Variants in ITSN1 observed in about 807,000 individuals in gnomAD.
The protein encoded by ITSN1 is intersectin 1, also known as intersectin-1.
In ITSN1, 58 loss-of-function variants were observed where a neutral mutation model predicts 239.8. The ratio of observed to expected loss-of-function variants is 0.24; its 90% CI spans 0.20 to 0.30. The LOEUF (loss-of-function observed/expected upper bound fraction) is 0.30, where lower values mean the gene tolerates loss of function less well. Ranked by LOEUF, ITSN1 falls within the 10% of genes least tolerant of loss-of-function variation. The pLI is 1.00. For synonymous variants in ITSN1, 780 were observed against 770.8 expected, an observed-to-expected ratio of 1.01 and a Z score of -0.20; for missense variants, 1,558 against 2,103.3, an observed-to-expected ratio of 0.74 and a Z score of 5.07.
intron 20 of ITSN1, 80 bp from the exon 21 acceptor site, chr21:33,810,895 T>G: frequency 1.3e-5 from 20 of 1,514,030 alleles, no homozygotes; most frequent in Non-Finnish European, 1.8e-5. Flanking sequence ...GGGCAGAGGC[T>G]TGGGACTTCA....
intron 20 of ITSN1, among the ~76,000 whole-genome samples, chr21:33,805,283 T>G (rs1296205195): frequency 6.6e-6 from 1 of 152,264 alleles, no homozygotes; most frequent in Non-Finnish European, 1.5e-5. Flanking sequence ...CAGTTCATTC[T>G]GGAAATTGTT....
Position 33,897,411 on chromosome 21 carries a change from A to C in ITSN1, c.*9111A>C, listed in dbSNP as rs898805557. 1.3e-5 allele frequency: 2 copies of C among 152,238 alleles called. No individual in the cohort carries two copies. 9.4% of individuals were successfully genotyped at this position (152,238 alleles called of 1,614,324 possible). A position where few individuals can be genotyped will look rare whatever the true frequency, so the allele number is the denominator to read the frequency against. ...CGTATAGGTGGTGAACTTATGTGTA[A>C]ATACATGTGTACAGATGAGAAACTG... is the stretch of plus-strand genomic sequence containing the variant. On this transcript the variant is annotated 3_prime_UTR_variant, in exon 40 of 40. Coordinates refer to ENST00000381318, the MANE Select transcript of ITSN1 (RefSeq NM_003024.3).
At chr21:33,852,256 A>G (rs1248692657) in intron 29 of ITSN1, among the ~76,000 whole-genome samples, 1 of 152,118 alleles carries the variant, frequency 6.6e-6, no homozygotes, top group Non-Finnish European at 1.5e-5. Flanking sequence ...CCCCTTTCAT[A>G]CAGGAACAAG....
At chr21:33,721,754 A>T (rs908005494) in intron 3 of ITSN1, among the ~76,000 whole-genome samples, 2 of 150,480 alleles carry the variant, frequency 1.3e-5, no homozygotes, top group Admixed American at 6.6e-5. Flanking sequence ...AGATCACGCC[A>T]CTGCACTCCA....
intron 29 of ITSN1, among the ~76,000 whole-genome samples, chr21:33,848,094 C>T (rs951077011): frequency 2.0e-5 from 3 of 152,252 alleles, no homozygotes; most frequent in Admixed American, 6.5e-5. Flanking sequence ...TTCCCAGCTC[C>T]GCAGCCAGCG....
intron 5 of ITSN1, among the ~76,000 whole-genome samples, chr21:33,743,996 TCAGA>T (rs2067026193): frequency 6.6e-6 from 1 of 152,210 alleles, no homozygotes; most frequent in South Asian, 2.1e-4. Flanking sequence ...AGAATGTGCT[TCAGA>T]CAATCAAAAT....
At chr21:33,697,143 C>T (rs1181702632) in intron 1 of ITSN1, among the ~76,000 whole-genome samples, 3 of 149,318 alleles carry the variant, frequency 2.0e-5, no homozygotes, top group South Asian at 4.2e-4. Context: ...AGTGCAGAGG[C>T]GTGATCTCGG....
chr21:33,717,613 G>A (rs370408803), intron 1 of ITSN1, among the ~76,000 whole-genome samples: 1 of 151,826 alleles, frequency 6.6e-6, no homozygotes, highest in South Asian at 2.1e-4. Context: ...TGGAGTGCAG[G>A]GGTGCAATCT....
At chr21:33,783,305 A>AGTTG (rs2070359296) in intron 16 of ITSN1, among the ~76,000 whole-genome samples, 1 of 152,244 alleles carries the variant, frequency 6.6e-6, no homozygotes, top group Admixed American at 6.5e-5. Context: ...CTTTTATAAT[A>AGTTG]GTTGACCTTT....
At chr21:33,694,434 T>C (rs1174059693) in intron 1 of ITSN1, among the ~76,000 whole-genome samples, 1 of 152,222 alleles carries the variant, frequency 6.6e-6, no homozygotes, top group African/African-American at 2.4e-5. Flanking sequence ...TTTGGACATA[T>C]ATCTTTGTAT....
At chr21:33,864,577 C>G (rs558250746) in intron 31 of ITSN1, among the ~76,000 whole-genome samples, 1 of 152,110 alleles carries the variant, frequency 6.6e-6, no homozygotes, top group Admixed American at 6.5e-5. Flanking sequence ...ACCTCTTTTC[C>G]GAACTCCTCT....
chr21:33,834,637 G>A (rs1258782366), intron 28 of ITSN1, among the ~76,000 whole-genome samples: 1 of 152,240 alleles, frequency 6.6e-6, no homozygotes, highest in Non-Finnish European at 1.5e-5. Context: ...GGATACAACA[G>A]AACCCTTGTT....
At chr21:33,732,024 C>T (rs899674048) in intron 4 of ITSN1, among the ~76,000 whole-genome samples, 2 of 152,084 alleles carry the variant, frequency 1.3e-5, no homozygotes, top group Non-Finnish European at 2.9e-5. Flanking sequence ...AACAATGGGA[C>T]AACTGGAAGC....
chr21:33,824,360 C>T lies in ITSN1; in HGVS notation c.3183+707C>T, dbSNP rs375261716. On this transcript the variant is annotated intron_variant, in intron 25 of 39. Coordinates refer to ENST00000381318, the MANE Select transcript of ITSN1 (RefSeq NM_003024.3). The stretch of plus-strand genomic sequence containing the variant: ...GTCAGTCTTGTAGGAGCCACTTGCA[C>T]GTTAGTGGAGAGTTTCAGGGTATAA... 8.5e-5 allele frequency among the ~76,000 whole-genome samples: 13 copies of T among 152,136 alleles called. No homozygotes were observed. The East Asian group carries it at 1.5e-3, about 18-fold the overall frequency.
chr21:33,756,419 G>A (rs550954726), intron 8 of ITSN1, among the ~76,000 whole-genome samples: 47 of 151,948 alleles, frequency 3.1e-4, no homozygotes, highest in Non-Finnish European at 5.3e-4. Context: ...TGAAAGGAAG[G>A]GAAAAAAATT....
At chr21:33,809,795 A>G (rs1339283784) in intron 20 of ITSN1, among the ~76,000 whole-genome samples, 1 of 151,926 alleles carries the variant, frequency 6.6e-6, no homozygotes, top group African/African-American at 2.4e-5. Flanking sequence ...AGTAATGAAA[A>G]TAAAATTTTT....
intron 9 of ITSN1, 47 bp from the exon 10 acceptor site, chr21:33,765,828 C>G: frequency 6.2e-7 from 1 of 1,602,260 alleles, no homozygotes; most frequent in Non-Finnish European, 8.5e-7. Context: ...TAGTAAAAAG[C>G]ATGAATTTTC....
chr21:33,861,140 A>G (rs1980442997), intron 31 of ITSN1, among the ~76,000 whole-genome samples: 1 of 152,224 alleles, frequency 6.6e-6, no homozygotes, highest in Admixed American at 6.5e-5. Flanking sequence ...TCTCAAACAT[A>G]CAGAAAATTT....
rs566244198 is a variant in ITSN1 at position 33,726,611 on chromosome 21, C to G, written c.185+3960C>G. On this transcript the variant is annotated intron_variant, in intron 4 of 39. Transcript: ENST00000381318. ...CTCAATATTCTGGGCTCAAACAATC[C>G]TCCGGACTCAAACAATCCTCCCACC... is the stretch of plus-strand genomic sequence containing the variant. Among the ~76,000 whole-genome samples, 4 of 151,812 alleles carry G rather than the reference C, an allele frequency of 2.6e-5. No individual in the cohort carries two copies. In the South Asian group the frequency reaches 8.3e-4, roughly 32 times the overall value.
Sources: allele counts gnomAD v4.1 joint callset (sites outside exome capture counted in the v4.1 genomes callset), GRCh38; gene constraint gnomAD v4.1.1; transcripts MANE v1.5; gene names NCBI Gene and HGNC (gene_info 2026-07-23, HGNC 2026-07-21).